Variants in P2RX5 observed in about 807,000 individuals in gnomAD.
The protein encoded by P2RX5 is P2X purinoceptor 5.
In P2RX5, 46 loss-of-function variants were observed where a neutral mutation model predicts 54.1. The observed-to-expected ratio is 0.85, with a 90% CI of 0.67 to 1.09. P2RX5 has a LOEUF of 1.09. P2RX5 is among the 50% of genes least tolerant of loss of function. The probability of loss-of-function intolerance (pLI) is 0.00; values close to 1 mark genes in which losing one functional copy is unlikely to be tolerated. For synonymous variants in P2RX5, 226 were observed against 226.4 expected, an observed-to-expected ratio of 1.00 and a Z score of 0.02; for missense variants, 566 against 549.8, an observed-to-expected ratio of 1.03 and a Z score of -0.29.
chr17:3,683,321 G>A (rs1022151837), intron 9 of P2RX5, among the ~76,000 whole-genome samples: 9 of 152,142 alleles, frequency 5.9e-5, no homozygotes, highest in African/African-American at 1.7e-4. Context: ...TTACCAATTC[G>A]CTGCTCCCCA....
the P2RX5 span, among the ~76,000 whole-genome samples, chr17:3,710,982 G>A: frequency 6.6e-6 from 1 of 152,178 alleles, no homozygotes; most frequent in Non-Finnish European, 1.5e-5. Context: ...TGCATCCAAA[G>A]TTCAGCGGGT....
At chr17:3,678,641 G>A (rs1257337540) in intron 11 of P2RX5, among the ~76,000 whole-genome samples, 1 of 152,138 alleles carries the variant, frequency 6.6e-6, no homozygotes, top group East Asian at 1.9e-4. Flanking sequence ...CTCCTTCCCT[G>A]CCCAGGCCCA....
chr17:3,680,658 C>T (rs566303838), intron 10 of P2RX5, among the ~76,000 whole-genome samples: 2 of 103,836 alleles, frequency 1.9e-5, no homozygotes, highest in African/African-American at 8.3e-5. Flanking sequence ...CTGGGTCCTC[C>T]ACCCTGCAGG....
chr17:3,710,038 T>C, the P2RX5 span, among the ~76,000 whole-genome samples: 1 of 152,134 alleles, frequency 6.6e-6, no homozygotes, highest in African/African-American at 2.4e-5. Flanking sequence ...TATAATATAA[T>C]TATGACTAGA....
At chr17:3,713,411 AC>A in the P2RX5 span, among the ~76,000 whole-genome samples, 1 of 152,014 alleles carries the variant, frequency 6.6e-6, no homozygotes, top group African/African-American at 2.4e-5. Flanking sequence ...ATAAATTAAG[AC>A]CCCTTTGAAG....
At chr17:3,714,205 G>T in the P2RX5 span, among the ~76,000 whole-genome samples, 5 of 151,878 alleles carry the variant, frequency 3.3e-5, no homozygotes, top group African/African-American at 1.2e-4. Context: ...GGGATTACAG[G>T]CGTGAGCCAC....
the P2RX5 span, among the ~76,000 whole-genome samples, chr17:3,707,548 T>C: frequency 6.6e-6 from 1 of 152,058 alleles, no homozygotes; most frequent in East Asian, 1.9e-4. Context: ...ACTCCAACCT[T>C]AGCCTCAGAT....
At chr17:3,716,539 A>T in the P2RX5 span, 1 of 637,426 alleles carries the variant, frequency 1.6e-6, no homozygotes, top group Non-Finnish European at 2.8e-6. Context: ...TCATTTGTCT[A>T]AATGGGGGTG....
the P2RX5 span, chr17:3,714,781 T>G: frequency 2.3e-6 from 2 of 870,908 alleles, no homozygotes; most frequent in Non-Finnish European, 3.8e-6. Context: ...GAAAAAGTAA[T>G]GCAAAGGATG....
the P2RX5 span, among the ~76,000 whole-genome samples, chr17:3,703,831 T>C: frequency 5.3e-5 from 8 of 152,194 alleles, no homozygotes; most frequent in Non-Finnish European, 1.0e-4. Context: ...CCGGGCATGG[T>C]GGCTCACGCC....
chr17:3,676,272 A>G (rs2050102403), intron 11 of P2RX5: 1 of 985,308 alleles, frequency 1.0e-6, no homozygotes, highest in Non-Finnish European at 1.2e-6. Context: ...CTTCATGTCC[A>G]TTTTTGACAG....
In P2RX5 at chr17:3,690,588, C is replaced by A. The variant is rs1273600562; in HGVS notation, c.436+17G>T. The A allele has an allele frequency of 6.2e-7, 1 of 1,613,456 alleles. No homozygotes were observed. Among genetic ancestry groups the A allele is most frequent in the Non-Finnish European group, 8.5e-7 (1 of 1,179,838 alleles). ...CTCCGAGTCCTCCTTCAGCCCGTGG[C>A]CGCTCCAGGCCCTCACCGTTTCCAG... On this transcript the variant is annotated intron_variant, in intron 4 of 11. Transcript: ENST00000225328.
In P2RX5 at chr17:3,673,845, G is replaced by A. The variant is rs1175102584; in HGVS notation, c.*23C>T. 6.2e-7 allele frequency: 1 copy of A among 1,612,736 alleles called. No homozygotes were observed. Among genetic ancestry groups the A allele is most frequent in the South Asian group, 1.1e-5 (1 of 91,010 alleles). ...GCTAGACGGCTGGGTTTAGGACAGG[G>A]CCTGAACGTAAGCAGAGGCAATTCA... On this transcript the variant is annotated 3_prime_UTR_variant, in exon 12 of 12. Coordinates refer to ENST00000225328, the MANE Select transcript of P2RX5 (RefSeq NM_002561.4).
intron 1 of P2RX5, 89 bp downstream of exon 1, chr17:3,695,780 T>A (rs2143002373): frequency 6.5e-7 from 1 of 1,537,024 alleles, no homozygotes; most frequent in East Asian, 2.3e-5. Flanking sequence ...CGTGCACGCC[T>A]GCGAATTCCA....
chr17:3,691,620 C>T (rs374257711), intron 2 of P2RX5, 24 bp downstream of exon 2: 3 of 1,614,012 alleles, frequency 1.9e-6, no homozygotes, highest in East Asian at 2.2e-5. Flanking sequence ...CAGCCTTGGC[C>T]GTGTGCTAGG....
chr17:3,703,826 C>A, the P2RX5 span, among the ~76,000 whole-genome samples: 54 of 152,158 alleles, frequency 3.5e-4, no homozygotes, highest in Non-Finnish European at 6.5e-4. Context: ...CCCAGCCGGG[C>A]ATGGTGGCTC....
chr17:3,673,766 A>G lies in P2RX5; in HGVS notation c.*102T>C. 1 of 1,611,318 alleles carries G rather than the reference A, an allele frequency of 6.2e-7. No individual in the cohort carries two copies. Reference sequence around the variant, plus strand: ...GTGGCATTGATAGCACCCAATGTACAAATTTCCCGTTGGGCAGCATCCTGG... The same window carrying G: ...GTGGCATTGATAGCACCCAATGTACGAATTTCCCGTTGGGCAGCATCCTGG... On this transcript the variant is annotated 3_prime_UTR_variant, in exon 12 of 12. Transcript: ENST00000225328.
upstream of P2RX5, among the ~76,000 whole-genome samples, chr17:3,699,894 G>GAAGA (rs2050805263): frequency 3.4e-5 from 1 of 29,200 alleles, no homozygotes; most frequent in Non-Finnish European, 1.3e-4. Flanking sequence ...AGGAAGGAAG[G>GAAGA]AAGGAAGGAA....
chr17:3,719,698 C>A, the P2RX5 span, among the ~76,000 whole-genome samples: 1 of 150,376 alleles, frequency 6.6e-6, no homozygotes, highest in Non-Finnish European at 1.5e-5. Context: ...ATACAAAAAA[C>A]AATTTCTCAC....
Sources: allele counts gnomAD v4.1 joint callset (sites outside exome capture counted in the v4.1 genomes callset), GRCh38; gene constraint gnomAD v4.1.1; transcripts MANE v1.5; gene names NCBI Gene and HGNC (gene_info 2026-07-23, HGNC 2026-07-21).